The following RNF144A variants were observed in gnomAD, a reference collection of about 807,000 sequenced individuals.
RNF144A encodes E3 ubiquitin-protein ligase RNF144A.
Under a neutral mutation model 38.7 loss-of-function variants are expected in RNF144A, and 11 were observed. That is an observed-to-expected ratio of 0.28 (90% CI 0.18 to 0.47). The LOEUF (loss-of-function observed/expected upper bound fraction) is 0.47. Ranked by LOEUF, RNF144A falls within the 20% of genes least tolerant of loss-of-function variation. RNF144A has a pLI of 0.99. For synonymous variants in RNF144A, 149 were observed against 143.9 expected (o/e 1.04, Z -0.25); for missense variants, 316 against 377.2 (o/e 0.84, Z 1.34).
At chr2:7,013,946 A>G (rs1030924750) in intron 3 of RNF144A, among the ~76,000 whole-genome samples, 4 of 152,232 alleles carry the variant, frequency 2.6e-5, no homozygotes, top group African/African-American at 9.7e-5. Context: ...GCTTGGGTTC[A>G]CATCGAGGCT....
chr2:7,045,846 C>T (rs1451144666), downstream of RNF144A, among the ~76,000 whole-genome samples: 1 of 152,186 alleles, frequency 6.6e-6, no homozygotes. Flanking sequence ...AGAAGCAGTT[C>T]TTCCCTACGC....
chr2:7,013,493 G>C (rs3771970), intron 3 of RNF144A, among the ~76,000 whole-genome samples: 1 of 151,998 alleles, frequency 6.6e-6, no homozygotes, highest in Non-Finnish European at 1.5e-5. Context: ...ATTATATATT[G>C]TTGCTAATAT....
At chr2:7,014,879 G>A (rs978215829) in intron 5 of RNF144A, 107 bp downstream of exon 5, 22 of 775,360 alleles carry the variant, frequency 2.8e-5, no homozygotes, top group Admixed American at 2.0e-4. Context: ...TTTGATAGGA[G>A]TTAAAAAGTT....
chr2:7,001,168 C>T (rs867542326), intron 3 of RNF144A, among the ~76,000 whole-genome samples: 10 of 151,984 alleles, frequency 6.6e-5, no homozygotes, highest in Middle Eastern at 6.8e-3. Flanking sequence ...GGCGTGGTGG[C>T]GTGTGCCTGT....
At chr2:6,919,379 A>C (rs893462251) in intron 1 of RNF144A, among the ~76,000 whole-genome samples, 1 of 152,144 alleles carries the variant, frequency 6.6e-6, no homozygotes, top group Admixed American at 6.5e-5. Context: ...TGTTTTTTGC[A>C]CTTTTCTAAT....
intron 2 of RNF144A, among the ~76,000 whole-genome samples, chr2:6,946,636 C>G (rs1572241575): frequency 1.3e-5 from 2 of 152,236 alleles, no homozygotes; most frequent in East Asian, 3.9e-4. Flanking sequence ...CAGTGAGAAC[C>G]TCCTTTGTCT....
At chr2:7,008,663 C>T (rs369354069) in intron 3 of RNF144A, among the ~76,000 whole-genome samples, 13 of 152,334 alleles carry the variant, frequency 8.5e-5, no homozygotes, top group African/African-American at 3.1e-4. Flanking sequence ...GCCTGCTTCC[C>T]TTTCTCCTGA....
At chr2:7,053,390 G>A (rs1673602608) in intron 6 of RNF144A, among the ~76,000 whole-genome samples, 1 of 152,156 alleles carries the variant, frequency 6.6e-6, no homozygotes, top group Admixed American at 6.5e-5. Context: ...GTTTCCATGG[G>A]TCTGAGTTCT....
At chr2:6,988,495 AT>A (rs1352136445) in intron 2 of RNF144A, among the ~76,000 whole-genome samples, 4 of 152,056 alleles carry the variant, frequency 2.6e-5, no homozygotes. Flanking sequence ...TTGAATTGGG[AT>A]TTATTTGATG....
rs1239087528 is a variant in RNF144A at position 7,040,540 on chromosome 2, C to G, written c.*780C>G. The G allele has an allele frequency of 1.0e-6, 1 of 985,318 alleles. No homozygotes were observed. Among genetic ancestry groups the G allele is most frequent in the Admixed American group, 6.1e-5 (1 of 16,264 alleles). The allele number at this position is 985,318 out of a possible 1,614,324, so 61.0% of individuals were successfully genotyped here. A position where few individuals can be genotyped will look rare whatever the true frequency, so the allele number is the denominator to read the frequency against. On this transcript the variant is annotated 3_prime_UTR_variant, in exon 9 of 9. Transcript: ENST00000320892. The stretch of plus-strand genomic sequence containing the variant: ...TTAGATTTGCCTTTTGTTGTTTTCT[C>G]TCTTTGGTGATTCAGCTCAGCTCAT...
intron 6 of RNF144A, among the ~76,000 whole-genome samples, chr2:7,053,159 G>C (rs1673595173): frequency 6.6e-6 from 1 of 152,124 alleles, no homozygotes; most frequent in African/African-American, 2.4e-5. Context: ...AATCGCAATA[G>C]GCATCTATCT....
chr2:6,972,875 G>C (rs1354160745), intron 2 of RNF144A, among the ~76,000 whole-genome samples: 2 of 152,180 alleles, frequency 1.3e-5, no homozygotes, highest in African/African-American at 4.8e-5. Context: ...CTAACAGTGG[G>C]GGTAATAGTT....
intron 3 of RNF144A, among the ~76,000 whole-genome samples, chr2:6,997,453 T>G (rs1669823879): frequency 6.6e-6 from 1 of 152,242 alleles, no homozygotes; most frequent in East Asian, 1.9e-4. Flanking sequence ...AGCTAGAATA[T>G]TCAGTCCTCA....
At chr2:6,920,931 G>GT (rs1664502389) in intron 1 of RNF144A, among the ~76,000 whole-genome samples, 1 of 152,196 alleles carries the variant, frequency 6.6e-6, no homozygotes, top group Non-Finnish European at 1.5e-5. Context: ...GATGGCTCCA[G>GT]TTTTTTGAGG....
At chr2:6,997,763 A>T (rs1270450195) in intron 3 of RNF144A, among the ~76,000 whole-genome samples, 1 of 152,234 alleles carries the variant, frequency 6.6e-6, no homozygotes, top group Non-Finnish European at 1.5e-5. Flanking sequence ...TAGAAGCCGG[A>T]AGTAGGACGG....
At chr2:7,068,325 A>T, downstream of RNF144A, 6 of 1,087,532 alleles carry the variant, frequency 5.5e-6, no homozygotes, top group South Asian at 7.9e-5. Context: ...ATACAGAGTA[A>T]TTCATTTGGG....
chr2:7,024,690 C>T (rs1475382918), intron 7 of RNF144A, among the ~76,000 whole-genome samples, 174 bp downstream of exon 7: 2 of 152,168 alleles, frequency 1.3e-5, no homozygotes, highest in Non-Finnish European at 2.9e-5. Context: ...TCATGAGCGC[C>T]ATGGGGACAG....
chr2:7,037,567 A>T (rs1357342061), intron 8 of RNF144A, among the ~76,000 whole-genome samples: 1 of 152,250 alleles, frequency 6.6e-6, no homozygotes, highest in Non-Finnish European at 1.5e-5. Context: ...AGACAAATGA[A>T]CGTAGCCAGC....
chr2:6,937,097 TG>T (rs1210265581), intron 1 of RNF144A, among the ~76,000 whole-genome samples: 4 of 152,138 alleles, frequency 2.6e-5, no homozygotes, highest in Non-Finnish European at 4.4e-5. Context: ...ACTAAAAATG[TG>T]AGGGCTTCTT....
Sources: gnomAD v4.1 joint callset for allele counts (sites outside exome capture counted in the v4.1 genomes callset) on GRCh38, gnomAD v4.1.1 for gene constraint, MANE v1.5 for transcripts, NCBI Gene and HGNC (gene_info 2026-07-23, HGNC 2026-07-21) for gene names.